SETD9: variants seen among roughly 807,000 people sequenced by gnomAD.
The protein encoded by SETD9 is SET domain containing 9.
Under a neutral mutation model 36.4 loss-of-function variants are expected in SETD9, and 37 were observed. The ratio of observed to expected loss-of-function variants is 1.02; its 90% CI spans 0.78 to 1.34. The LOEUF (loss-of-function observed/expected upper bound fraction) is 1.34, where lower values mean the gene tolerates loss of function less well. Ranked by LOEUF, SETD9 falls within the 40% of genes most tolerant of loss-of-function variation. SETD9 has a pLI of 0.00. For synonymous variants in SETD9, 128 were observed against 132.9 expected, an observed-to-expected ratio of 0.96 and a Z score of 0.26; for missense variants, 323 against 353.2, an observed-to-expected ratio of 0.91 and a Z score of 0.69.
At position 56,912,376 on chromosome 5, in the gene SETD9, C is replaced by T. The variant is rs953259213; in HGVS notation, c.467-635C>T. ...AAAGTGTGTGTGTGAATATTTGAGT[C>T]AGATAGACCCAGGTTTTTAAAAATT... On this transcript the variant is annotated intron_variant, in intron 2 of 5. Coordinates refer to ENST00000285947, the MANE Select transcript of SETD9 (RefSeq NM_153706.4). 9 of 419,340 alleles carry T rather than the reference C, an allele frequency of 2.1e-5. No homozygotes were observed. The Admixed American group carries it at 3.2e-4, about 15-fold the overall frequency. 26.0% of individuals were successfully genotyped at this position (419,340 alleles called of 1,614,324 possible). A position where few individuals can be genotyped will look rare whatever the true frequency, so the allele number is the denominator to read the frequency against.
chr5:56,923,090 C>T, intron 5 of SETD9: 1 of 1,576,666 alleles, frequency 6.3e-7, no homozygotes, highest in Non-Finnish European at 8.7e-7. Flanking sequence ...CTCAAGTTTA[C>T]TGGTGCTGCA....
chr5:56,922,663 G>T (rs1008613716), intron 5 of SETD9: 2 of 158,688 alleles, frequency 1.3e-5, no homozygotes, highest in Admixed American at 6.0e-5. Flanking sequence ...GATCGGGATC[G>T]GTACCTGTAA....
rs774413373 is a variant in SETD9 at position 56,909,682 on chromosome 5, T to C, written c.37T>C (p.Trp13Arg). 5.0e-6 allele frequency: 8 copies of C among 1,609,616 alleles called. No individual in the cohort carries two copies. The highest frequency in any genetic ancestry group is 1.1e-5 in the South Asian group (1 of 90,670). ...TCTGCTGCGGGGCCTGTGGCAGCGATGGCGCCGTTACAAGTACCGCTTCGT... is the reference window on the plus strand; with the variant it reads ...TCTGCTGCGGGGCCTGTGGCAGCGACGGCGCCGTTACAAGTACCGCTTCGT... ...GRLLRGLWQR[W>R]RRYKYRFVPW... Residue 13 changes from tryptophan to arginine, a missense_variant, in exon 1 of 6, where the codon TGG becomes CGG. By Grantham distance (101) the Trp-to-Arg change is moderately radical. Coordinates refer to ENST00000285947, the MANE Select transcript of SETD9 (RefSeq NM_153706.4).
intron 5 of SETD9, chr5:56,924,171 T>G (rs181863479): frequency 2.3e-6 from 2 of 872,202 alleles, no homozygotes; most frequent in Admixed American, 6.2e-5. Flanking sequence ...CTGAACACTT[T>G]TAATAAATTA....
At chr5:56,926,363 C>A (rs1749981475), downstream of SETD9, among the ~76,000 whole-genome samples, 1 of 151,460 alleles carries the variant, frequency 6.6e-6, no homozygotes, top group African/African-American at 2.4e-5. Context: ...GGACTAGAAT[C>A]CAAAATATAC....
chr5:56,917,916 T>G (rs1749498724), downstream of SETD9, among the ~76,000 whole-genome samples: 1 of 152,220 alleles, frequency 6.6e-6, no homozygotes, highest in Admixed American at 6.5e-5. Flanking sequence ...CAAAAATTCA[T>G]GGAACCTATA....
downstream of SETD9, chr5:56,927,813 C>G (rs1464856587): frequency 6.6e-6 from 1 of 152,180 alleles, no homozygotes; most frequent in Non-Finnish European, 1.5e-5. Context: ...TCTATCATTA[C>G]AGTATCATCA....
chr5:56,923,775 A>C, intron 5 of SETD9: 2 of 1,614,196 alleles, frequency 1.2e-6, no homozygotes, highest in Non-Finnish European at 1.7e-6. Flanking sequence ...GTTAAGGCTG[A>C]AGCATTTACC....
intron 5 of SETD9, 103 bp from the exon 6 acceptor site, chr5:56,916,712 G>A (rs1258525051): frequency 8.5e-7 from 1 of 1,170,336 alleles, no homozygotes; most frequent in African/African-American, 1.6e-5. Flanking sequence ...AAAATGGAAG[G>A]AACCTGAGTA....
intron 5 of SETD9, chr5:56,922,586 A>G (rs1214500875): frequency 6.5e-6 from 1 of 153,964 alleles, no homozygotes; most frequent in Non-Finnish European, 1.5e-5. Context: ...ATGTTTGTGC[A>G]GTTTAAAGAA....
At chr5:56,925,833 A>T (rs1401935712), downstream of SETD9, among the ~76,000 whole-genome samples, 1 of 152,014 alleles carries the variant, frequency 6.6e-6, no homozygotes, top group African/African-American at 2.4e-5. Flanking sequence ...ACAGTCCCCA[A>T]CTTCAAGATT....
At chr5:56,923,867 A>G (rs1370867890) in intron 5 of SETD9, 9 of 1,613,952 alleles carry the variant, frequency 5.6e-6, no homozygotes, top group Non-Finnish European at 6.8e-6. Context: ...TTATGACTAT[A>G]TATTACAGTT....
intron 1 of SETD9, chr5:56,910,471 C>A: frequency 8.5e-7 from 1 of 1,172,382 alleles, no homozygotes; most frequent in Admixed American, 3.2e-5. Flanking sequence ...CCGACCGGGC[C>A]TCCCTGAAGT....
chr5:56,914,429 T>C (rs13158067), intron 4 of SETD9, among the ~76,000 whole-genome samples: 2,715 of 152,270 alleles, frequency 0.018, 30 homozygotes, highest in Non-Finnish European at 0.028. Flanking sequence ...ACATTTAACA[T>C]GGGCTTTGGC....
At chr5:56,912,344 A>G (rs569104767) in intron 2 of SETD9, 8 of 663,982 alleles carry the variant, frequency 1.2e-5, no homozygotes, top group East Asian at 2.7e-4. Flanking sequence ...ATTATTTGGT[A>G]TAGTGGAAAG....
intron 2 of SETD9, 123 bp downstream of exon 2, chr5:56,911,659 A>G: frequency 4.4e-6 from 5 of 1,140,220 alleles, no homozygotes; most frequent in Non-Finnish European, 5.9e-6. Flanking sequence ...TCGAGTTTCC[A>G]TAGATTTTTG....
rs148749499 is a variant in SETD9, at chr5:56,913,078, C to G, written c.534C>G (p.Cys178Trp). 5.6e-5 allele frequency: 91 copies of G among 1,613,826 alleles called. No homozygotes were observed. In the African/African-American group the frequency reaches 8.5e-4, roughly 15 times the overall value. Residue 178 changes from cysteine to tryptophan, a missense_variant, in exon 3 of 6, where the codon TGC becomes TGG. Physicochemically the swap from Cys to Trp is radical, Grantham distance 215. Coordinates refer to ENST00000285947, the MANE Select transcript of SETD9 (RefSeq NM_153706.4). ...TTGGAAATCCGTTTATTTTTAGATG[C>G]CTGGATGGGGTACTCATTGATGGGA... The part of the protein sequence containing the change: ...QSIGNPFIFR[C>W]LDGVLIDGND...
intron 5 of SETD9, chr5:56,923,292 A>G: frequency 6.2e-7 from 1 of 1,614,170 alleles, no homozygotes; most frequent in Non-Finnish European, 8.5e-7. Flanking sequence ...TTATTTACAG[A>G]AACTTCATTC....
downstream of SETD9, among the ~76,000 whole-genome samples, chr5:56,926,788 T>C (rs1375606692): frequency 6.6e-6 from 1 of 152,170 alleles, no homozygotes; most frequent in Non-Finnish European, 1.5e-5. Flanking sequence ...ATAGCTTTAA[T>C]GATAATTGCC....
Sources: allele counts gnomAD v4.1 joint callset (sites outside exome capture counted in the v4.1 genomes callset), GRCh38; gene constraint gnomAD v4.1.1; transcripts MANE v1.5; gene names NCBI Gene and HGNC (gene_info 2026-07-23, HGNC 2026-07-21).